The following CLSTN2 variants were observed in gnomAD, a reference collection of about 807,000 sequenced individuals.
The protein encoded by CLSTN2 is calsyntenin-2.
A neutral mutation model predicts 101.2 loss-of-function variants in CLSTN2; 48 were observed. That is an observed-to-expected ratio of 0.47 (90% CI 0.38 to 0.60). The LOEUF (loss-of-function observed/expected upper bound fraction) is 0.60, where lower values mean the gene tolerates loss of function less well. CLSTN2 is among the 20% of genes least tolerant of loss of function. CLSTN2 has a pLI of 0.00. For synonymous variants in CLSTN2, 481 were observed against 463.6 expected (o/e 1.04, Z -0.48); for missense variants, 1,160 against 1,238.2 (o/e 0.94, Z 0.95).
intron 8 of CLSTN2, among the ~76,000 whole-genome samples, chr3:140,479,129 A>C (rs1369091561): frequency 6.6e-6 from 1 of 152,164 alleles, no homozygotes; most frequent in African/African-American, 2.4e-5. Flanking sequence ...AGAAAATGAA[A>C]AGATCTGAGC....
intron 1 of CLSTN2, among the ~76,000 whole-genome samples, chr3:140,042,348 A>T (rs190149466): frequency 7.2e-4 from 109 of 152,268 alleles, no homozygotes; most frequent in Non-Finnish European, 1.3e-3. Flanking sequence ...TTTGTGTCTG[A>T]CTTTTTTCAC....
intron 2 of CLSTN2, among the ~76,000 whole-genome samples, chr3:140,245,861 T>C (rs1335997074): frequency 2.0e-5 from 3 of 152,222 alleles, no homozygotes; most frequent in Non-Finnish European, 4.4e-5. Context: ...AGCTCGCACT[T>C]ACTGAGGAAG....
chr3:140,431,101 G>C (rs141163518), intron 5 of CLSTN2, among the ~76,000 whole-genome samples: 9 of 152,308 alleles, frequency 5.9e-5, no homozygotes, highest in African/African-American at 2.2e-4. Flanking sequence ...ATGGTGATGA[G>C]ACTTACCTGG....
intron 1 of CLSTN2, among the ~76,000 whole-genome samples, chr3:140,041,033 A>G (rs749561392): frequency 2.0e-4 from 30 of 152,206 alleles, no homozygotes; most frequent in Non-Finnish European, 3.8e-4. Context: ...GAAAAGGCAC[A>G]GTAATAAAGA....
intron 8 of CLSTN2, among the ~76,000 whole-genome samples, chr3:140,485,971 A>AC (rs548349446): frequency 5.5e-4 from 58 of 104,964 alleles, no homozygotes; most frequent in African/African-American, 1.8e-3. Context: ...CTGTCCGACA[A>AC]CCCCCCAGTG....
At chr3:140,471,753 T>C (rs569347105) in intron 8 of CLSTN2, among the ~76,000 whole-genome samples, 2 of 152,336 alleles carry the variant, frequency 1.3e-5, no homozygotes, top group South Asian at 4.1e-4. Flanking sequence ...AATAAAGGTT[T>C]AGCCACTACA....
At chr3:140,292,738 G>A (rs533856008) in intron 2 of CLSTN2, among the ~76,000 whole-genome samples, 2 of 152,210 alleles carry the variant, frequency 1.3e-5, no homozygotes, top group Non-Finnish European at 2.9e-5. Flanking sequence ...AAATGAGGGT[G>A]AGCATAGCAA....
In CLSTN2 at chr3:140,446,881, A is replaced by G. The variant is rs540723196; in HGVS notation, c.788-1638A>G. On this transcript the variant is annotated intron_variant, in intron 5 of 16. Transcript: ENST00000458420. Reference sequence around the variant, plus strand: ...TTACTCCTTTCTGTTAGAGCAGCACAGGCTTATTCATCACCTGCCTCTCTC... The same window carrying G: ...TTACTCCTTTCTGTTAGAGCAGCACGGGCTTATTCATCACCTGCCTCTCTC... 2.0e-5 allele frequency among the ~76,000 whole-genome samples: 3 copies of G among 152,290 alleles called. No homozygotes were observed. In the South Asian group the frequency reaches 6.2e-4, roughly 32 times the overall value.
chr3:140,171,847 A>T (rs13094084), intron 1 of CLSTN2, among the ~76,000 whole-genome samples: 7 of 116,856 alleles, frequency 6.0e-5, no homozygotes, highest in African/African-American at 9.7e-5. Context: ...ATATAATATA[A>T]TATATATATT....
chr3:140,230,660 C>T (rs188317546), intron 2 of CLSTN2, among the ~76,000 whole-genome samples: 20 of 152,226 alleles, frequency 1.3e-4, no homozygotes, highest in African/African-American at 2.4e-4. Flanking sequence ...CAAAATCTGC[C>T]GGTGCTTTAA....
chr3:139,981,289 G>T (rs1273235534), intron 1 of CLSTN2, among the ~76,000 whole-genome samples: 1 of 152,194 alleles, frequency 6.6e-6, no homozygotes, highest in Non-Finnish European at 1.5e-5. Flanking sequence ...TTGAGCATCT[G>T]CTGTATTCTT....
chr3:140,088,438 G>A (rs369879600), intron 1 of CLSTN2, among the ~76,000 whole-genome samples: 1 of 152,142 alleles, frequency 6.6e-6, no homozygotes, highest in African/African-American at 2.4e-5. Flanking sequence ...GAATTTCTCT[G>A]AAAGTCTTGT....
chr3:140,548,525 C>T lies in CLSTN2; in HGVS notation c.1674+1844C>T, dbSNP rs1274373464. ...AGCCTCCTTGGATGAGGTGATGAGG[C>T]CTGAGTAGAATGTTTAAGAATAGGT... On this transcript the variant is annotated intron_variant, in intron 10 of 16. Coordinates refer to ENST00000458420, the MANE Select transcript of CLSTN2 (RefSeq NM_022131.3). Among the ~76,000 whole-genome samples the T allele has an allele frequency of 2.0e-5, 3 of 151,898 alleles. No homozygotes were observed. The South Asian group carries it at 6.2e-4, about 32-fold the overall frequency.
In CLSTN2 at chr3:140,106,615, A is replaced by T. The variant is rs545155043; in HGVS notation, c.110-69336A>T. Among the ~76,000 whole-genome samples the T allele has an allele frequency of 4.6e-5, 7 of 152,326 alleles. No individual in the cohort carries two copies. In the South Asian group the frequency reaches 1.5e-3, roughly 32 times the overall value. ...TTTCCAGAAGACAAGGTTCCTCTCC[A>T]GGATGGCCCACAGGAAAATGGGAGG... is the stretch of plus-strand genomic sequence containing the variant. On this transcript the variant is annotated intron_variant, in intron 1 of 16. Transcript: ENST00000458420.
At chr3:140,251,254 C>G (rs1230281037) in intron 2 of CLSTN2, among the ~76,000 whole-genome samples, 1 of 152,256 alleles carries the variant, frequency 6.6e-6, no homozygotes, top group East Asian at 1.9e-4. Flanking sequence ...GGCATCTCTT[C>G]TGTGGCAAGG....
At position 139,995,736 on chromosome 3, in the gene CLSTN2, G is replaced by A. The variant is rs554426357; in HGVS notation, c.109+60253G>A. On this transcript the variant is annotated intron_variant, in intron 1 of 16. Transcript: ENST00000458420. ...GGCCGCAGATCTATCTGCCATCTGT[G>A]CTCAGGGGTAAAGGGGGAGTGCAGA... Among the ~76,000 whole-genome samples the A allele has an allele frequency of 2.6e-5, 4 of 151,126 alleles. No individual in the cohort carries two copies. The South Asian group carries it at 8.4e-4, about 32-fold the overall frequency.
At chr3:140,479,961 T>TA (rs1934078036) in intron 8 of CLSTN2, among the ~76,000 whole-genome samples, 2 of 151,822 alleles carry the variant, frequency 1.3e-5, no homozygotes, top group Admixed American at 1.3e-4. Context: ...CTTTTTTTTT[T>TA]ATTATTATAC....
chr3:140,084,896 G>A (rs937502555), intron 1 of CLSTN2, among the ~76,000 whole-genome samples: 3 of 152,322 alleles, frequency 2.0e-5, no homozygotes, highest in South Asian at 2.1e-4. Context: ...CTCAACCTGT[G>A]TATGAGTTTG....
At chr3:139,998,198 AG>A (rs1324237358) in intron 1 of CLSTN2, among the ~76,000 whole-genome samples, 3 of 152,082 alleles carry the variant, frequency 2.0e-5, no homozygotes, top group Non-Finnish European at 4.4e-5. Flanking sequence ...TGGAGAAACA[AG>A]CCTTCCTGAG....
Sources: allele counts gnomAD v4.1 joint callset (sites outside exome capture counted in the v4.1 genomes callset), GRCh38; gene constraint gnomAD v4.1.1; transcripts MANE v1.5; gene names NCBI Gene and HGNC (gene_info 2026-07-23, HGNC 2026-07-21).